Variants in TRPM7 observed in about 807,000 individuals in gnomAD.
TRPM7 encodes transient receptor potential cation channel subfamily M member 7.
TRPM7 carries 134 observed loss-of-function variants against 229.7 expected under a neutral mutation model. The observed-to-expected ratio is 0.58, with a 90% CI of 0.51 to 0.67. The LOEUF is 0.67. TRPM7 is among the 30% of genes least tolerant of loss of function. The pLI is 0.00. For synonymous variants in TRPM7, 699 were observed against 715.2 expected (o/e 0.98, Z 0.36); for missense variants, 1,901 against 2,210.0 (o/e 0.86, Z 2.80).
rs1596182185 is a variant in TRPM7, at chr15:50,609,627, A to C, written c.2534T>G (p.Phe845Cys). 2 of 1,612,316 alleles carry C rather than the reference A, an allele frequency of 1.2e-6. No homozygotes were observed. Among genetic ancestry groups the C allele is most frequent in the African/African-American group, 2.7e-5 (2 of 74,838 alleles). Residue 845 changes from phenylalanine to cysteine, a missense_variant, in exon 19 of 39, where the codon TTT becomes TGT. Physicochemically the swap from Phe to Cys is radical, Grantham distance 205 (BLOSUM62 -2). This residue lies in a region of TRPM7 where 207 missense variants were observed against 241.5 expected (regional missense o/e 0.86). Coordinates refer to ENST00000646667, the MANE Select transcript of TRPM7 (RefSeq NM_017672.6). ...KSKKLPITRK[F>C]YAFYHAPIVK... ...AATTGGTGCATGATAAAAGGCATAAAACTTTCGCGTAATTGGAAGCTTTTT... is the reference window on the plus strand; with the variant it reads ...AATTGGTGCATGATAAAAGGCATAACACTTTCGCGTAATTGGAAGCTTTTT...
intron 24 of TRPM7, 44 bp downstream of exon 24, chr15:50,594,385 G>A (rs1596133220): frequency 6.9e-7 from 1 of 1,459,814 alleles, no homozygotes; most frequent in Non-Finnish European, 9.4e-7. Flanking sequence ...GTAAAAATGA[G>A]AAGTGATAAA....
intron 1 of TRPM7, among the ~76,000 whole-genome samples, chr15:50,672,080 G>A (rs1442734333): frequency 1.3e-5 from 2 of 151,672 alleles, no homozygotes; most frequent in African/African-American, 2.4e-5. Flanking sequence ...TTTTTGAGAC[G>A]GAGTCTCACT....
intron 24 of TRPM7, 137 bp downstream of exon 24, chr15:50,594,292 T>G: frequency 1.4e-6 from 1 of 702,746 alleles, no homozygotes; most frequent in Non-Finnish European, 2.3e-6. Flanking sequence ...AATTCCTTTA[T>G]GTACAGGCAT....
intron 24 of TRPM7, 121 bp downstream of exon 24, chr15:50,594,308 A>G: frequency 1.1e-6 from 1 of 920,914 alleles, no homozygotes; most frequent in Non-Finnish European, 1.6e-6. Context: ...GGCATATTTA[A>G]CAAAAATCTA....
intron 3 of TRPM7, among the ~76,000 whole-genome samples, chr15:50,657,400 T>C (rs572288857): frequency 6.6e-6 from 1 of 152,280 alleles, no homozygotes; most frequent in South Asian, 2.1e-4. Flanking sequence ...CAAAAGCATG[T>C]GCAACAAAAA....
intron 31 of TRPM7, among the ~76,000 whole-genome samples, chr15:50,577,804 T>G (rs2054208289): frequency 6.6e-6 from 1 of 152,212 alleles, no homozygotes. Flanking sequence ...CAGTGGAAGC[T>G]ACTGAAATGA....
intron 5 of TRPM7, 37 bp from the exon 6 acceptor site, chr15:50,639,585 T>C: frequency 2.5e-6 from 4 of 1,592,184 alleles, no homozygotes; most frequent in Middle Eastern, 1.7e-4. Context: ...TTGTTTTTTT[T>C]ATTTTCTTAA....
In TRPM7 at chr15:50,643,269, CAG is replaced by C. The variant is rs2061159846; in HGVS notation, c.535+69_535+70del. The C allele has an allele frequency of 3.5e-5, 45 of 1,294,286 alleles. 1 individual carries two copies. In the South Asian group the frequency reaches 5.5e-4, roughly 16 times the overall value. The allele number at this position is 1,294,286 out of a possible 1,614,324, so 80.2% of individuals were successfully genotyped here. A position where few individuals can be genotyped will look rare whatever the true frequency, so the allele number is the denominator to read the frequency against. On this transcript the variant is annotated intron_variant, in intron 5 of 38. Transcript: ENST00000646667. ...GTGCCATTGCACTCCAGCCTGGCAA[CAG>C]AGTGAGAGTCCGTCTCAAAAAAAAA...
At chr15:50,683,029 C>A (rs992811073) in intron 1 of TRPM7, among the ~76,000 whole-genome samples, 2 of 151,718 alleles carry the variant, frequency 1.3e-5, no homozygotes, top group East Asian at 3.9e-4. Context: ...ACCACAGGTG[C>A]GCATCACCAT....
At chr15:50,582,169 C>T (rs1427750524) in intron 29 of TRPM7, among the ~76,000 whole-genome samples, 3 of 152,104 alleles carry the variant, frequency 2.0e-5, no homozygotes, top group Non-Finnish European at 4.4e-5. Context: ...TCAGGTTGGC[C>T]AGGCTGCTTG....
chr15:50,579,226 G>C (rs777273834), intron 30 of TRPM7, among the ~76,000 whole-genome samples: 6 of 152,152 alleles, frequency 3.9e-5, no homozygotes, highest in Admixed American at 2.6e-4. Context: ...AGACACACAG[G>C]TAGAGTGGAA....
intron 21 of TRPM7, among the ~76,000 whole-genome samples, chr15:50,602,873 G>A (rs1000100744): frequency 7.2e-5 from 11 of 152,124 alleles, no homozygotes; most frequent in Admixed American, 3.3e-4. Flanking sequence ...CCTAGCAGAG[G>A]GTGGTTCTAG....
intron 38 of TRPM7, among the ~76,000 whole-genome samples, chr15:50,562,608 C>T (rs1490955826): frequency 1.3e-5 from 2 of 151,788 alleles, no homozygotes; most frequent in African/African-American, 4.8e-5. Context: ...CTTGTCTCTA[C>T]AAAAAATACA....
At chr15:50,589,745 G>T in intron 26 of TRPM7, 89 bp from the exon 27 acceptor site, 1 of 806,380 alleles carries the variant, frequency 1.2e-6, no homozygotes, top group Non-Finnish European at 2.0e-6. Context: ...AAAAACAATA[G>T]GTTTATGCTG....
intron 1 of TRPM7, among the ~76,000 whole-genome samples, chr15:50,677,395 T>G (rs2062116908): frequency 6.6e-6 from 1 of 151,688 alleles, no homozygotes; most frequent in South Asian, 2.1e-4. Flanking sequence ...GAGATCACAT[T>G]CAGTACATAA....
chr15:50,613,654 T>C, intron 15 of TRPM7, 53 bp downstream of exon 15: 2 of 1,426,552 alleles, frequency 1.4e-6, no homozygotes, highest in Non-Finnish European at 1.8e-6. Flanking sequence ...TACTAAGTAA[T>C]TTAGAAAGAA....
intron 3 of TRPM7, among the ~76,000 whole-genome samples, chr15:50,652,032 T>C (rs1397386722): frequency 6.6e-6 from 1 of 150,692 alleles, no homozygotes; most frequent in Non-Finnish European, 1.5e-5. Flanking sequence ...AGAAAAGATA[T>C]GATAAAGAAA....
chr15:50,673,503 G>A (rs28806878), intron 1 of TRPM7, among the ~76,000 whole-genome samples: 3,080 of 152,116 alleles, frequency 0.02, 120 homozygotes, highest in African/African-American at 0.071. Context: ...TCCCACTTAT[G>A]AGTGGGAACA....
At chr15:50,682,727 CTG>C (rs1468974979) in intron 1 of TRPM7, among the ~76,000 whole-genome samples, 1 of 152,162 alleles carries the variant, frequency 6.6e-6, no homozygotes, top group Non-Finnish European at 1.5e-5. Context: ...AAGTCAAACA[CTG>C]TATTCACATT....
Sources: gnomAD v4.1 joint callset for allele counts (sites outside exome capture counted in the v4.1 genomes callset) on GRCh38, gnomAD v4.1.1 for gene constraint, gnomAD v4.1.1 regional missense constraint, MANE v1.5 for transcripts, NCBI Gene and HGNC (gene_info 2026-07-23, HGNC 2026-07-21) for gene names.